GNPTAB: variants seen among roughly 807,000 people sequenced by gnomAD.
GNPTAB encodes the protein N-acetylglucosamine-1-phosphotransferase subunits alpha/beta.
In GNPTAB, 92 loss-of-function variants were observed where a neutral mutation model predicts 136.6. The ratio of observed to expected loss-of-function variants is 0.67; its 90% CI spans 0.57 to 0.80. GNPTAB has a LOEUF of 0.80. Among genes scored for constraint, GNPTAB ranks in the 30% least tolerant of loss-of-function variants. The pLI, the probability that GNPTAB is intolerant of heterozygous loss-of-function variation, is 0.00. For missense variants in GNPTAB, 1,343 were observed against 1,501.8 expected, an observed-to-expected ratio of 0.89 and a Z score of 1.75; for synonymous variants, 512 against 535.1, an observed-to-expected ratio of 0.96 and a Z score of 0.60.
chr12:101,779,464 A>AAAAGGC (rs1201533353), intron 7 of GNPTAB: 1 of 153,336 alleles, frequency 6.5e-6, no homozygotes, highest in Non-Finnish European at 1.5e-5. Flanking sequence ...CATGTTAAGG[A>AAAAGGC]AAAGGCACGT....
Position 101,764,870 on chromosome 12 carries a change from CA to C in GNPTAB, c.2046del (p.Asp682GlufsTer12). ...EKRFPKFKRH[D>X]VNSTRRAQEE... ...TCCTGGGCTCTCCTTGTTGAGTTAA[CA>C]TCATGTCTCTTAAACTTCGGGAAGC... is the stretch of plus-strand genomic sequence containing the variant. On this transcript the variant is annotated frameshift_variant, in exon 13 of 21. Transcript: ENST00000299314. LOFTEE classifies it high-confidence loss of function. 1 of 1,614,194 alleles carries C rather than the reference CA, an allele frequency of 6.2e-7. No individual in the cohort carries two copies. The highest frequency in any genetic ancestry group is 8.5e-7 in the Non-Finnish European group (1 of 1,180,032).
intron 19 of GNPTAB, 26 bp from the exon 20 acceptor site, chr12:101,749,217 T>C (rs780404447): frequency 2.2e-5 from 29 of 1,301,208 alleles, no homozygotes; most frequent in Non-Finnish European, 2.8e-5. Context: ...AAAGCAACTA[T>C]GTACTTCTGT....
At chr12:101,817,265 CTTTTTT>C (rs71438444) in intron 1 of GNPTAB, among the ~76,000 whole-genome samples, 50 of 108,186 alleles carry the variant, frequency 4.6e-4, no homozygotes, top group Non-Finnish European at 6.8e-4. Context: ...TATCATTCCA[CTTTTTT>C]TTTTTTTTTT....
chr12:101,783,450 C>T lies in GNPTAB; in HGVS notation c.571+2562G>A, dbSNP rs150877124. On this transcript the variant is annotated intron_variant, in intron 5 of 20. Coordinates refer to ENST00000299314, the MANE Select transcript of GNPTAB (RefSeq NM_024312.5). ...CCATAGGAGGCACAGCTTTAACCTA[C>T]GTGAGAAAGTTATAAGGAAGCAGTT... Among the ~76,000 whole-genome samples, 7 of 152,234 alleles carry T rather than the reference C, an allele frequency of 4.6e-5. 1 individual carries two copies. The highest frequency in any genetic ancestry group is 4.8e-5 in the African/African-American group (2 of 41,526).
chr12:101,789,917 G>GAA, intron 3 of GNPTAB, 21 bp downstream of exon 3: 2 of 1,545,052 alleles, frequency 1.3e-6, no homozygotes, highest in African/African-American at 1.4e-5. Context: ...CATCTGATGT[G>GAA]AAAAAAAAAA....
intron 18 of GNPTAB, among the ~76,000 whole-genome samples, chr12:101,754,460 A>C (rs775913787): frequency 1.1e-4 from 16 of 152,132 alleles, no homozygotes; most frequent in Non-Finnish European, 2.1e-4. Context: ...AATCAAAACC[A>C]AGTTCTCTGA....
intron 7 of GNPTAB, chr12:101,773,116 C>A: frequency 4.1e-6 from 1 of 242,212 alleles, no homozygotes; most frequent in African/African-American, 2.3e-5. Context: ...TGACCTCCAT[C>A]TCCCATTTCT....
intron 7 of GNPTAB, among the ~76,000 whole-genome samples, chr12:101,771,367 C>T (rs920810017): frequency 1.3e-5 from 2 of 152,090 alleles, no homozygotes; most frequent in African/African-American, 2.4e-5. Context: ...CCTCAGCCTC[C>T]TGAGTAGCTG....
intron 2 of GNPTAB, among the ~76,000 whole-genome samples, chr12:101,790,668 G>C (rs561591678): frequency 1.3e-5 from 2 of 151,150 alleles, no homozygotes; most frequent in South Asian, 4.2e-4. Flanking sequence ...TCAAAAGGCT[G>C]AGGTGGGACT....
At chr12:101,822,015 G>A (rs930410957) in intron 1 of GNPTAB, among the ~76,000 whole-genome samples, 19 of 152,224 alleles carry the variant, frequency 1.2e-4, no homozygotes, top group South Asian at 6.2e-4. Context: ...GCAACCAAAC[G>A]GAATGAAGAG....
intron 1 of GNPTAB, among the ~76,000 whole-genome samples, chr12:101,818,570 G>T (rs759626786): frequency 6.6e-6 from 1 of 151,986 alleles, no homozygotes; most frequent in Non-Finnish European, 1.5e-5. Flanking sequence ...TAGAGATGAG[G>T]TTTCACCATG....
chr12:101,828,955 A>G (rs893190006), intron 1 of GNPTAB, among the ~76,000 whole-genome samples: 5 of 152,248 alleles, frequency 3.3e-5, no homozygotes, highest in Admixed American at 3.3e-4. Flanking sequence ...AACTGGAGTC[A>G]GCAATCAAGG....
intron 7 of GNPTAB, among the ~76,000 whole-genome samples, chr12:101,771,979 G>A (rs962045783): frequency 2.0e-5 from 3 of 152,254 alleles, no homozygotes; most frequent in African/African-American, 7.2e-5. Context: ...TTTGTGCCAC[G>A]TGCCTGGGAG....
intron 4 of GNPTAB, 144 bp from the exon 5 acceptor site, chr12:101,786,361 A>C: frequency 4.8e-5 from 34 of 703,668 alleles, no homozygotes; most frequent in Non-Finnish European, 7.7e-5. Context: ...CTTTTATCTC[A>C]TGGATACAAA....
Position 101,748,321 on chromosome 12 carries a change from C to T in GNPTAB, c.3693+780G>A, listed in dbSNP as rs970451081. On this transcript the variant is annotated intron_variant, in intron 20 of 20. Transcript: ENST00000299314. Reference sequence around the variant, plus strand: ...TCTTGGTATAAGTCAACTTGGTGTACGTTTCATTTGAGTGACAGCTAGAAA... The same window carrying T: ...TCTTGGTATAAGTCAACTTGGTGTATGTTTCATTTGAGTGACAGCTAGAAA... Among the ~76,000 whole-genome samples, 8 of 152,130 alleles carry T rather than the reference C, an allele frequency of 5.3e-5. No individual in the cohort carries two copies. In the East Asian group the frequency reaches 1.2e-3, roughly 22 times the overall value.
chr12:101,749,834 G>A (rs1240684981), intron 19 of GNPTAB, among the ~76,000 whole-genome samples: 1 of 152,210 alleles, frequency 6.6e-6, no homozygotes, highest in South Asian at 2.1e-4. Context: ...CAGCATGGGG[G>A]GAACTAAGCC....
At chr12:101,812,588 C>A (rs186140364) in intron 1 of GNPTAB, among the ~76,000 whole-genome samples, 19 of 151,920 alleles carry the variant, frequency 1.3e-4, no homozygotes, top group African/African-American at 4.1e-4. Context: ...AGAACCCCCC[C>A]ATCTCTACAA....
In GNPTAB at chr12:101,765,166, G is replaced by A; in HGVS notation, c.1751C>T (p.Pro584Leu). The A allele has an allele frequency of 6.2e-7, 1 of 1,614,078 alleles. No individual in the cohort carries two copies. Among genetic ancestry groups the A allele is most frequent in the Non-Finnish European group, 8.5e-7 (1 of 1,179,986 alleles). The change falls in exon 13 of 21, where the codon CCA (proline) becomes CTA (leucine). Residue 584 changes from proline (P) to leucine (L), a missense_variant. Coordinates refer to ENST00000299314, the MANE Select transcript of GNPTAB (RefSeq NM_024312.5). ...RGVEGAYSDN[P>L]IIRHASIANK... ...GGCAATAGAAGCATGTCGAATTATTGGATTGTCACTATAGGCACCTTCAAC... is the reference window on the plus strand; with the variant it reads ...GGCAATAGAAGCATGTCGAATTATTAGATTGTCACTATAGGCACCTTCAAC...
At chr12:101,829,773 A>T (rs940494931) in intron 1 of GNPTAB, among the ~76,000 whole-genome samples, 1 of 152,138 alleles carries the variant, frequency 6.6e-6, no homozygotes, top group Admixed American at 6.5e-5. Context: ...ACTACTAAAA[A>T]AGTACATGCT....
Sources: allele counts gnomAD v4.1 joint callset (sites outside exome capture counted in the v4.1 genomes callset), GRCh38; gene constraint gnomAD v4.1.1; transcripts MANE v1.5; gene names NCBI Gene and HGNC (gene_info 2026-07-23, HGNC 2026-07-21).